PCDHGA12: variants seen among roughly 807,000 people sequenced by gnomAD.
PCDHGA12 encodes the protein protocadherin gamma-A12.
PCDHGA12 carries 43 observed loss-of-function variants against 61.1 expected under a neutral mutation model. The ratio of observed to expected loss-of-function variants is 0.70; its 90% CI spans 0.55 to 0.91. PCDHGA12 has a LOEUF of 0.91. PCDHGA12 is among the 40% of genes least tolerant of loss of function. The pLI, the probability that PCDHGA12 is intolerant of heterozygous loss-of-function variation, is 0.00. For missense variants in PCDHGA12, 1,236 were observed against 1,227.7 expected, an observed-to-expected ratio of 1.01 and a Z score of -0.10; for synonymous variants, 520 against 542.9, an observed-to-expected ratio of 0.96 and a Z score of 0.59.
chr5:141,438,231 TG>T (rs987686126), intron 1 of PCDHGA12, among the ~76,000 whole-genome samples: 1 of 152,082 alleles, frequency 6.6e-6, no homozygotes, highest in African/African-American at 2.4e-5. Context: ...TTCAGGAAAA[TG>T]TTTTTAAAAA....
At chr5:141,496,637 C>T (rs907246032) in intron 2 of PCDHGA12, among the ~76,000 whole-genome samples, 6 of 152,214 alleles carry the variant, frequency 3.9e-5, no homozygotes, top group Non-Finnish European at 7.3e-5. Context: ...GCTTGGGCTG[C>T]CCTTGCCCTT....
intron 1 of PCDHGA12, chr5:141,478,292 CTATA>C (rs1257685524): frequency 6.2e-7 from 1 of 1,614,146 alleles, no homozygotes; most frequent in Admixed American, 1.7e-5. Flanking sequence ...GTCTAGAGAC[CTATA>C]CCGAGCCCCG....
chr5:141,468,093 G>C (rs1319825848), intron 1 of PCDHGA12, among the ~76,000 whole-genome samples: 2 of 152,112 alleles, frequency 1.3e-5, no homozygotes, highest in Non-Finnish European at 2.9e-5. Flanking sequence ...GGGAGGTTGA[G>C]GCAGGCAGAT....
rs2099681350 is a variant in PCDHGA12, at chr5:141,489,024, C to T, written c.2425-5783C>T. 1 of 450,378 alleles carries T rather than the reference C, an allele frequency of 2.2e-6. No individual in the cohort carries two copies. The highest frequency in any genetic ancestry group is 3.9e-6 in the Non-Finnish European group (1 of 256,582). 27.9% of individuals were successfully genotyped at this position (450,378 alleles called of 1,614,324 possible). On this transcript the variant is annotated intron_variant, in intron 1 of 3. Coordinates refer to ENST00000252085, the MANE Select transcript of PCDHGA12 (RefSeq NM_003735.3). The surrounding 1 kb of genome is among the most constrained non-coding windows in gnomAD (Gnocchi z 4.5). ...CTGCTCTTCCAGCCCGCCTCTCCTC[C>T]TCCAGCTCCCCAGCTCCACTCAAAT... is the stretch of plus-strand genomic sequence containing the variant.
intron 1 of PCDHGA12, among the ~76,000 whole-genome samples, chr5:141,479,977 A>G (rs145953890): frequency 0.015 from 2,300 of 152,320 alleles, 30 homozygotes; most frequent in Non-Finnish European, 0.024. Context: ...AGGTTCTACC[A>G]TTTACCAACT....
In PCDHGA12 at chr5:141,489,459, C is replaced by A; in HGVS notation, c.2425-5348C>A. ...AATTGGGCTCTGAGGAGAATGGGCG[C>A]TATTTTTCCCTGAGCTTGATGAGTG... On this transcript the variant is annotated intron_variant, in intron 1 of 3. Transcript: ENST00000252085. The surrounding 1 kb of genome is among the most constrained non-coding windows in gnomAD (Gnocchi z 4.5). 1 of 1,614,086 alleles carries A rather than the reference C, an allele frequency of 6.2e-7. No individual in the cohort carries two copies. The highest frequency in any genetic ancestry group is 8.5e-7 in the Non-Finnish European group (1 of 1,180,012).
rs749528675 is a variant in PCDHGA12, at chr5:141,490,604, A to G, written c.2425-4203A>G. On this transcript the variant is annotated intron_variant, in intron 1 of 3. Coordinates refer to ENST00000252085, the MANE Select transcript of PCDHGA12 (RefSeq NM_003735.3). This position sits in a 1 kb window ranked among gnomAD's most constrained non-coding sequence, Gnocchi z 5.4. ...GTCAATGACAATGCACCCCGCTTCA[A>G]CCAGCAGCTTTACACTGCTTACATC... is the stretch of plus-strand genomic sequence containing the variant. 13 of 1,614,192 alleles carry G rather than the reference A, an allele frequency of 8.1e-6. No homozygotes were observed. Among genetic ancestry groups the G allele is most frequent in the Non-Finnish European group, 1.1e-5 (13 of 1,180,022 alleles).
Position 141,487,367 on chromosome 5 carries a change from G to A in PCDHGA12, c.2425-7440G>A. 1 of 1,614,204 alleles carries A rather than the reference G, an allele frequency of 6.2e-7. No individual in the cohort carries two copies. The highest frequency in any genetic ancestry group is 8.5e-7 in the Non-Finnish European group (1 of 1,180,030). ...CACATGCTTTCCTGCTGGCACCTGT[G>A]CCTGTCTCACCAGATCTCGAAGGAG... On this transcript the variant is annotated intron_variant, in intron 1 of 3. Coordinates refer to ENST00000252085, the MANE Select transcript of PCDHGA12 (RefSeq NM_003735.3). This position sits in a 1 kb window ranked among gnomAD's most constrained non-coding sequence, Gnocchi z 5.0.
Position 141,489,557 on chromosome 5 carries a change from T to C in PCDHGA12, c.2425-5250T>C, listed in dbSNP as rs150797955. 54 of 1,613,956 alleles carry C rather than the reference T, an allele frequency of 3.3e-5. 1 individual carries two copies. Among genetic ancestry groups the C allele is most frequent in the Non-Finnish European group, 4.3e-5 (51 of 1,180,004 alleles). On this transcript the variant is annotated intron_variant, in intron 1 of 3. Coordinates refer to ENST00000252085, the MANE Select transcript of PCDHGA12 (RefSeq NM_003735.3). The surrounding 1 kb of genome is among the most constrained non-coding windows in gnomAD (Gnocchi z 4.5). ...GCCAGCACCAGCTGCCTGCTGCCAG[T>C]GCAGGTGGTGACTGAACACCCCCTG...
At chr5:141,510,304 A>G (rs1030803209) in intron 3 of PCDHGA12, among the ~76,000 whole-genome samples, 1 of 151,732 alleles carries the variant, frequency 6.6e-6, no homozygotes, top group Non-Finnish European at 1.5e-5. Context: ...CTGTTTTGAA[A>G]TGGAGGCTTG....
In PCDHGA12 at chr5:141,491,511, C is replaced by G. The variant is rs777448782; in HGVS notation, c.2425-3296C>G. 6.2e-7 allele frequency: 1 copy of G among 1,614,080 alleles called. No individual in the cohort carries two copies. The highest frequency in any genetic ancestry group is 8.5e-7 in the Non-Finnish European group (1 of 1,180,018). ...TGCAGGTGAGCTCGGACGGCACGCT[C>G]AAGTACATGGAGGTGACGCTGCGGC... On this transcript the variant is annotated intron_variant, in intron 1 of 3. Transcript: ENST00000252085. This position sits in a 1 kb window ranked among gnomAD's most constrained non-coding sequence, Gnocchi z 6.9.
chr5:141,505,246 G>C, intron 2 of PCDHGA12, 147 bp from the exon 3 acceptor site: 2 of 1,436,674 alleles, frequency 1.4e-6, no homozygotes, highest in Non-Finnish European at 1.9e-6. Flanking sequence ...AAGGATTGTA[G>C]AAGTGCCTCC....
Position 141,432,806 on chromosome 5 carries a change from A to G in PCDHGA12, c.2047A>G (p.Asn683Asp), listed in dbSNP as rs755248654. 12 of 1,614,070 alleles carry G rather than the reference A, an allele frequency of 7.4e-6. No individual in the cohort carries two copies. Among genetic ancestry groups the G allele is most frequent in the Non-Finnish European group, 9.3e-6 (11 of 1,179,972 alleles). The change falls in exon 1 of 4, where the codon AAC becomes GAC. Residue 683 changes from asparagine (N) to aspartate (D), a missense_variant. Transcript: ENST00000252085. This position sits in a 1 kb window ranked among gnomAD's most constrained non-coding sequence, Gnocchi z 6.0. The part of the protein sequence containing the change: ...ADLGSLESPA[N>D]SETSDLTLYL... ...CCTCGGCAGCCTCGAGTCTCCAGCT[A>G]ACTCTGAAACCTCAGACCTCACTCT...
At chr5:141,458,359 A>C (rs2098943826) in intron 1 of PCDHGA12, among the ~76,000 whole-genome samples, 1 of 152,142 alleles carries the variant, frequency 6.6e-6, no homozygotes, top group Non-Finnish European at 1.5e-5. Context: ...AATAAGCAAG[A>C]AGGAAGGGAG....
At chr5:141,497,478 C>A (rs974494984) in intron 2 of PCDHGA12, among the ~76,000 whole-genome samples, 1 of 150,954 alleles carries the variant, frequency 6.6e-6, no homozygotes, top group African/African-American at 2.4e-5. Flanking sequence ...GGAGAAGGTG[C>A]GGAACCTCTC....
rs2099389707 is a variant in PCDHGA12, at chr5:141,476,358, G to A, written c.2425-18449G>A. On this transcript the variant is annotated intron_variant, in intron 1 of 3. Transcript: ENST00000252085. This position sits in a 1 kb window ranked among gnomAD's most constrained non-coding sequence, Gnocchi z 7.6. ...AGCCGAAGATTCTTTGAGGTGAACC[G>A]GGAGACCGGAGAGATGTTTGTGAAC... 6.2e-7 allele frequency: 1 copy of A among 1,614,134 alleles called. No individual in the cohort carries two copies. The highest frequency in any genetic ancestry group is 8.5e-7 in the Non-Finnish European group (1 of 1,180,022).
chr5:141,505,794 G>A (rs1423502957), intron 3 of PCDHGA12, among the ~76,000 whole-genome samples: 1 of 152,142 alleles, frequency 6.6e-6, no homozygotes, highest in East Asian at 1.9e-4. Context: ...CTATCCTTGG[G>A]ACTTGGATCG....
intron 1 of PCDHGA12, among the ~76,000 whole-genome samples, chr5:141,470,430 T>C (rs994304635): frequency 6.6e-6 from 1 of 152,232 alleles, no homozygotes; most frequent in Non-Finnish European, 1.5e-5. Flanking sequence ...TTTCCTTGTG[T>C]GCAATAATTT....
In PCDHGA12 at chr5:141,503,070, G is replaced by A. The variant is rs868143537; in HGVS notation, c.2484-2323G>A. 1.5e-4 allele frequency among the ~76,000 whole-genome samples: 23 copies of A among 151,614 alleles called. No individual in the cohort carries two copies. The Middle Eastern group carries it at 0.01, about 68-fold the overall frequency. On this transcript the variant is annotated intron_variant, in intron 2 of 3. Coordinates refer to ENST00000252085, the MANE Select transcript of PCDHGA12 (RefSeq NM_003735.3). ...GGGTTTCACCATGTTGGTCAGAATGGTCTCGATCTCCTGACCTCGTGGTCT... is the reference window on the plus strand; with the variant it reads ...GGGTTTCACCATGTTGGTCAGAATGATCTCGATCTCCTGACCTCGTGGTCT...
Sources: gnomAD v4.1 joint callset for allele counts (sites outside exome capture counted in the v4.1 genomes callset) on GRCh38, gnomAD v4.1.1 for gene constraint, Gnocchi (gnomAD v3.1) non-coding constraint, MANE v1.5 for transcripts, NCBI Gene and HGNC (gene_info 2026-07-23, HGNC 2026-07-21) for gene names.